Variants in UMOD observed in about 807,000 individuals in gnomAD.
UMOD encodes uromodulin.
A neutral mutation model predicts 66.0 loss-of-function variants in UMOD; 64 were observed. The observed-to-expected ratio is 0.97, with a 90% CI of 0.79 to 1.19. The LOEUF is 1.19. UMOD is among the 50% of genes most tolerant of loss of function. UMOD has a pLI of 0.00. For synonymous variants in UMOD, 398 were observed against 352.7 expected (o/e 1.13, Z -1.44); for missense variants, 764 against 850.9 (o/e 0.90, Z 1.27).
chr16:20,348,116 C>G, intron 4 of UMOD, 107 bp downstream of exon 4: 1 of 987,268 alleles, frequency 1.0e-6, no homozygotes, highest in African/African-American at 1.6e-5. Context: ...GGATATATAT[C>G]CCCTGCGTCA....
chr16:20,340,627 T>C (rs1008244543), intron 7 of UMOD, among the ~76,000 whole-genome samples: 8 of 151,992 alleles, frequency 5.3e-5, no homozygotes, highest in Non-Finnish European at 1.0e-4. Flanking sequence ...CCTGCTAATA[T>C]TTCTGTAGTT....
chr16:20,339,002 C>A (rs1278360602), intron 7 of UMOD, among the ~76,000 whole-genome samples: 1 of 152,208 alleles, frequency 6.6e-6, no homozygotes, highest in East Asian at 1.9e-4. Flanking sequence ...CTCAGGTGAT[C>A]TGCCTGCCTC....
intron 1 of UMOD, among the ~76,000 whole-genome samples, chr16:20,351,982 C>A (rs1190153175): frequency 6.7e-6 from 1 of 148,248 alleles, no homozygotes; most frequent in East Asian, 2.0e-4. Flanking sequence ...CGTGCCACTG[C>A]ACTCCTGCCT....
At chr16:20,337,186 C>A in intron 8 of UMOD, 105 bp downstream of exon 8, 2 of 1,455,378 alleles carry the variant, frequency 1.4e-6, no homozygotes, top group Non-Finnish European at 1.9e-6. Flanking sequence ...CTCATTCTAT[C>A]CCTCTGGTAA....
chr16:20,335,143 A>C (rs1964802513), intron 10 of UMOD, among the ~76,000 whole-genome samples: 1 of 152,124 alleles, frequency 6.6e-6, no homozygotes, highest in Non-Finnish European at 1.5e-5. Context: ...CACCTATTGA[A>C]TGAATCTAGA....
chr16:20,349,869 C>A (rs1300573398), intron 2 of UMOD: 2 of 1,531,062 alleles, frequency 1.3e-6, no homozygotes, highest in African/African-American at 2.9e-5. Context: ...GTACTTTGTT[C>A]CTCCGTAATA....
At chr16:20,349,722 C>G (rs1440824235) in intron 2 of UMOD, 1 of 1,529,134 alleles carries the variant, frequency 6.5e-7, no homozygotes, top group African/African-American at 1.4e-5. Flanking sequence ...GTAGGATTTA[C>G]GGTGAACCTG....
chr16:20,344,865 T>C (rs1453782880), intron 5 of UMOD, among the ~76,000 whole-genome samples: 1 of 152,176 alleles, frequency 6.6e-6, no homozygotes, highest in African/African-American at 2.4e-5. Flanking sequence ...ACAGAGTCAC[T>C]GAGGGATTGC....
intron 10 of UMOD, 51 bp downstream of exon 10, chr16:20,335,431 C>A (rs775432660): frequency 6.3e-7 from 1 of 1,588,522 alleles, no homozygotes; most frequent in South Asian, 1.1e-5. Context: ...GATAGAAGCC[C>A]CCCAGGAGAG....
intron 10 of UMOD, 100 bp downstream of exon 10, chr16:20,335,382 C>T (rs1280711910): frequency 1.0e-5 from 13 of 1,267,676 alleles, no homozygotes; most frequent in Non-Finnish European, 1.3e-5. Context: ...CTAGTAACAC[C>T]TCCCTTATAG....
At chr16:20,336,223 G>A (rs1964859407) in intron 9 of UMOD, among the ~76,000 whole-genome samples, 1 of 152,170 alleles carries the variant, frequency 6.6e-6, no homozygotes, top group Non-Finnish European at 1.5e-5. Context: ...ATCTACAGGG[G>A]ATTATTCAAA....
rs1357689052 is a variant in UMOD at position 20,349,015 on chromosome 16, C to A, written c.286G>T (p.Glu96Ter). The A allele has an allele frequency of 8.8e-6, 14 of 1,585,952 alleles. No individual in the cohort carries two copies. Among genetic ancestry groups the A allele is most frequent in the Non-Finnish European group, 1.1e-5 (13 of 1,166,366 alleles). ...TPGSFSCVCP[E>*]GFRLSPGLGC... ...AGACCGGGCGACAGGCGGAAGCCTT[C>A]GGGGCAGACGCAGGAGAAGGAGCCT... Residue 96 changes from glutamate (E) to a stop codon, truncating the protein, a stop_gained, in exon 3 of 11, where the codon GAA becomes TAA. Coordinates refer to ENST00000396138, the MANE Select transcript of UMOD (RefSeq NM_003361.4). LOFTEE classifies it high-confidence loss of function.
chr16:20,347,017 C>G (rs1247894247), intron 4 of UMOD, among the ~76,000 whole-genome samples: 1 of 148,908 alleles, frequency 6.7e-6, no homozygotes, highest in Non-Finnish European at 1.5e-5. Flanking sequence ...TAACTTCCCT[C>G]TCTCTCTCTT....
Position 20,348,271 on chromosome 16 carries a change from T to C in UMOD, c.925A>G (p.Asn309Asp). 6.2e-7 allele frequency: 1 copy of C among 1,614,210 alleles called. No individual in the cohort carries two copies. Among genetic ancestry groups the C allele is most frequent in the Non-Finnish European group, 8.5e-7 (1 of 1,180,046 alleles). Residue 309 changes from asparagine (N) to aspartate (D), a missense_variant, in exon 4 of 11, where the codon AAT becomes GAT. Coordinates refer to ENST00000396138, the MANE Select transcript of UMOD (RefSeq NM_003361.4). ...ECSIDEDCKS[N>D]NGRWHCQCKQ... Reference sequence around the variant, plus strand: ...CACTGGCAGTGCCATCTGCCATTATTCGATTTGCAGTCCTCGTCTATACTG... The same window carrying C: ...CACTGGCAGTGCCATCTGCCATTATCCGATTTGCAGTCCTCGTCTATACTG...
intron 6 of UMOD, among the ~76,000 whole-genome samples, chr16:20,343,766 A>C (rs901818713): frequency 1.3e-5 from 2 of 152,218 alleles, no homozygotes; most frequent in Non-Finnish European, 2.9e-5. Context: ...AGCTCATACA[A>C]CTAGTAAGTG....
intron 1 of UMOD, among the ~76,000 whole-genome samples, chr16:20,352,361 C>T (rs184969539): frequency 1.3e-5 from 2 of 152,248 alleles, no homozygotes; most frequent in Admixed American, 1.3e-4. Context: ...TGCATATTGT[C>T]ACTGGGATTA....
chr16:20,344,120 A>T lies in UMOD; in HGVS notation c.1235T>A (p.Ile412Asn), dbSNP rs1596552254. 1 of 1,600,018 alleles carries T rather than the reference A, an allele frequency of 6.2e-7. No homozygotes were observed. ...TTTGATGTTGAGGTCACGGATGATGATCTCATCTGCCAGGTAGAGGGTGTT... is the reference window on the plus strand; with the variant it reads ...TTTGATGTTGAGGTCACGGATGATGTTCTCATCTGCCAGGTAGAGGGTGTT... The part of the protein sequence containing the change: ...YSNTLYLADE[I>N]IIRDLNIKIN... Residue 412 changes from isoleucine (I) to asparagine (N), a missense_variant, in exon 6 of 11, where the codon ATC (isoleucine) becomes AAC (asparagine). By Grantham distance (149) the Ile-to-Asn change is moderately radical. Transcript: ENST00000396138.
At chr16:20,341,414 C>A in intron 6 of UMOD, 78 bp from the exon 7 acceptor site, 1 of 1,598,126 alleles carries the variant, frequency 6.3e-7, no homozygotes, top group Non-Finnish European at 8.5e-7. Flanking sequence ...ATTTGCATTC[C>A]TAGGCAGTCC....
chr16:20,355,765 C>G (rs889539490), upstream of UMOD, among the ~76,000 whole-genome samples: 2 of 152,198 alleles, frequency 1.3e-5, no homozygotes, highest in Non-Finnish European at 2.9e-5. Flanking sequence ...ATGCTGAGAA[C>G]AATCACCCAC....
Sources: gnomAD v4.1 joint callset for allele counts (sites outside exome capture counted in the v4.1 genomes callset) on GRCh38, gnomAD v4.1.1 for gene constraint, MANE v1.5 for transcripts, NCBI Gene and HGNC (gene_info 2026-07-23, HGNC 2026-07-21) for gene names.